PCGF5: variants seen among roughly 807,000 people sequenced by gnomAD.
PCGF5 encodes the protein polycomb group ring finger 5.
In PCGF5, 9 loss-of-function variants were observed where a neutral mutation model predicts 44.3. The observed-to-expected ratio is 0.20, with a 90% CI of 0.12 to 0.35. The LOEUF is 0.35. Among genes scored for constraint, PCGF5 ranks in the 10% least tolerant of loss-of-function variants. PCGF5 has a pLI of 1.00. For missense variants in PCGF5, 146 were observed against 305.3 expected (o/e 0.48, Z 3.89); for synonymous variants, 95 against 102.5 (o/e 0.93, Z 0.44).
At chr10:91,158,401 G>A (rs1489184189), upstream of PCGF5, among the ~76,000 whole-genome samples, 2 of 152,080 alleles carry the variant, frequency 1.3e-5, no homozygotes, top group Admixed American at 6.6e-5. Flanking sequence ...AACTAGCTAC[G>A]GCGAACTGAG....
chr10:91,254,828 C>G (rs142074592), intron 6 of PCGF5, among the ~76,000 whole-genome samples: 14 of 152,156 alleles, frequency 9.2e-5, no homozygotes, highest in African/African-American at 3.1e-4. Flanking sequence ...TCAGCTTTTT[C>G]AGAGATCTGA....
intron 2 of PCGF5, chr10:91,227,504 C>T (rs1474215600): frequency 7.9e-7 from 1 of 1,265,628 alleles, no homozygotes; most frequent in Non-Finnish European, 1.0e-6. Context: ...TCCTGCTGGT[C>T]TCTCTCTTTA....
intron 1 of PCGF5, among the ~76,000 whole-genome samples, chr10:91,187,282 C>T (rs1057377730): frequency 6.6e-6 from 1 of 152,052 alleles, no homozygotes; most frequent in African/African-American, 2.4e-5. Flanking sequence ...ATGTGCAAAT[C>T]GGTTTGGGAA....
chr10:91,236,354 A>G (rs1845163631), intron 2 of PCGF5, among the ~76,000 whole-genome samples: 1 of 152,186 alleles, frequency 6.6e-6, no homozygotes, highest in African/African-American at 2.4e-5. Context: ...CAAGCCTGAT[A>G]TTTGGTTAGT....
At chr10:91,276,604 T>C (rs1275538564) in intron 9 of PCGF5, among the ~76,000 whole-genome samples, 1 of 152,174 alleles carries the variant, frequency 6.6e-6, no homozygotes, top group Non-Finnish European at 1.5e-5. Flanking sequence ...AAATGGCTAC[T>C]TGGAGGAGAA....
rs1844941300 is a variant in PCGF5, at chr10:91,229,440, G to GTA, written c.112+6459_112+6460dup. ...ATCTATGAAAAGGTTTAAGGGAAGA[G>GTA]TATTTCAGATTCTTATTCCAGAGGT... On this transcript the variant is annotated intron_variant, in intron 2 of 9. Coordinates refer to ENST00000336126, the MANE Select transcript of PCGF5 (RefSeq NM_032373.5). Among the ~76,000 whole-genome samples the GTA allele has an allele frequency of 3.9e-5, 6 of 152,308 alleles. No homozygotes were observed. The South Asian group carries it at 1.2e-3, about 32-fold the overall frequency.
chr10:91,225,334 G>A (rs1355148962), intron 2 of PCGF5, among the ~76,000 whole-genome samples: 1 of 148,878 alleles, frequency 6.7e-6, no homozygotes, highest in Non-Finnish European at 1.5e-5. Context: ...GTTCTCAACA[G>A]CAATTTAAAG....
intron 1 of PCGF5, among the ~76,000 whole-genome samples, chr10:91,165,702 AAGG>A (rs1843487736): frequency 6.6e-6 from 1 of 152,266 alleles, no homozygotes; most frequent in Non-Finnish European, 1.5e-5. Context: ...GAGTACATAA[AAGG>A]AGTTATTTAA....
chr10:91,237,690 G>C (rs1845203435), intron 2 of PCGF5, among the ~76,000 whole-genome samples: 2 of 152,104 alleles, frequency 1.3e-5, no homozygotes, highest in African/African-American at 4.8e-5. Context: ...GTTGCAGTGA[G>C]CCGAGATCGC....
chr10:91,160,620 G>C (rs1843365230), upstream of PCGF5, among the ~76,000 whole-genome samples: 1 of 152,122 alleles, frequency 6.6e-6, no homozygotes, highest in Admixed American at 6.5e-5. Context: ...AGGACAAGAA[G>C]AGGGGAGAAG....
intron 1 of PCGF5, among the ~76,000 whole-genome samples, chr10:91,189,062 A>T (rs1564628901): frequency 6.6e-6 from 1 of 152,248 alleles, no homozygotes; most frequent in Non-Finnish European, 1.5e-5. Context: ...GGCTGCAGGA[A>T]TACAGGTGTG....
intron 6 of PCGF5, among the ~76,000 whole-genome samples, chr10:91,257,391 T>C (rs1466608224): frequency 1.3e-5 from 2 of 152,122 alleles, no homozygotes; most frequent in African/African-American, 2.4e-5. Context: ...GAAAACACTT[T>C]AGCAGTTCCT....
intron 6 of PCGF5, 132 bp downstream of exon 6, chr10:91,251,572 A>G (rs1224056945): frequency 1.1e-6 from 1 of 881,366 alleles, no homozygotes; most frequent in Non-Finnish European, 1.8e-6. Flanking sequence ...ATAAAATGCC[A>G]TTCTTTGACA....
At chr10:91,185,907 T>A (rs1444343940) in intron 1 of PCGF5, among the ~76,000 whole-genome samples, 3 of 149,954 alleles carry the variant, frequency 2.0e-5, no homozygotes, top group African/African-American at 7.6e-5. Flanking sequence ...GTTTCCTTGA[T>A]TAGTCCCAAT....
intron 1 of PCGF5, among the ~76,000 whole-genome samples, chr10:91,221,909 T>G (rs1386229295): frequency 6.6e-6 from 1 of 152,130 alleles, no homozygotes; most frequent in Admixed American, 6.5e-5. Context: ...AGGGAAAGAT[T>G]GCACTGAGAA....
chr10:91,240,667 T>C, intron 3 of PCGF5, 87 bp downstream of exon 3: 1 of 807,082 alleles, frequency 1.2e-6, no homozygotes. Context: ...TATTTCATGT[T>C]GTCTTGACTC....
At chr10:91,174,959 C>A (rs1033966359) in intron 1 of PCGF5, among the ~76,000 whole-genome samples, 2 of 152,190 alleles carry the variant, frequency 1.3e-5, no homozygotes, top group African/African-American at 4.8e-5. Context: ...AGACCTGTGG[C>A]AACTGCCTTA....
chr10:91,225,496 T>C (rs531522672), intron 2 of PCGF5, among the ~76,000 whole-genome samples: 116 of 151,572 alleles, frequency 7.7e-4, no homozygotes, highest in Middle Eastern at 3.4e-3. Flanking sequence ...GTGGCCTTTA[T>C]CGTCAACAGA....
rs1384879321 is a variant in PCGF5 at position 91,279,070 on chromosome 10, A to G, written c.*754A>G. ...ATCACATTTACTTCTGATAAAAGTAATGTGTAAGTAAGGTTAATCTTCTTT... is the reference window on the plus strand; with the variant it reads ...ATCACATTTACTTCTGATAAAAGTAGTGTGTAAGTAAGGTTAATCTTCTTT... On this transcript the variant is annotated 3_prime_UTR_variant, in exon 10 of 10. Transcript: ENST00000336126. The G allele has an allele frequency of 1.3e-5, 2 of 152,498 alleles. No individual in the cohort carries two copies. Among genetic ancestry groups the G allele is most frequent in the Non-Finnish European group, 2.9e-5 (2 of 68,040 alleles). 9.4% of individuals were successfully genotyped at this position (152,498 alleles called of 1,614,324 possible).
Sources: allele counts gnomAD v4.1 joint callset (sites outside exome capture counted in the v4.1 genomes callset), GRCh38; gene constraint gnomAD v4.1.1; transcripts MANE v1.5; gene names NCBI Gene and HGNC (gene_info 2026-07-23, HGNC 2026-07-21).